The following NEB variants were observed in gnomAD, a reference collection of about 807,000 sequenced individuals.
The protein encoded by NEB is nebulin.
A neutral mutation model predicts 952.2 loss-of-function variants in NEB; 512 were observed. That is an observed-to-expected ratio of 0.54 (90% confidence interval 0.50 to 0.58). The LOEUF (loss-of-function observed/expected upper bound fraction) is 0.58, where lower values mean the gene tolerates loss of function less well. Ranked by LOEUF, NEB falls within the 20% of genes least tolerant of loss-of-function variation. The pLI is 0.00. For missense variants in NEB, 8,428 were observed against 9,231.1 expected (o/e 0.91, Z 3.56); for synonymous variants, 2,900 against 3,149.8 (o/e 0.92, Z 2.66).
intron 70 of NEB, 123 bp downstream of exon 70, chr2:151,626,879 A>G: frequency 2.5e-6 from 3 of 1,211,906 alleles, no homozygotes; most frequent in East Asian, 2.4e-5. Context: ...AGAGAATTCA[A>G]CTGAATCACT....
chr2:151,516,496 T>G lies in NEB; in HGVS notation c.22868A>C (p.Tyr7623Ser), dbSNP rs370518330. Residue 7623 changes from tyrosine (Y) to serine (S), a missense_variant, in exon 157 of 182, where the codon TAC becomes TCC. By Grantham distance (144) the Tyr-to-Ser change is moderately radical. Around this residue, in one of 11 missense-constraint regions of NEB, gnomAD observed 3,374 missense variants for 3,651.5 expected, o/e 0.92. Coordinates refer to ENST00000397345, the MANE Select transcript of NEB (RefSeq NM_001164508.2). ...CTGCTGAGACTCTTTGGCAGTGATGTACGTTGGTGTTTCAAAGTCCAGCAT... is the reference window on the plus strand; with the variant it reads ...CTGCTGAGACTCTTTGGCAGTGATGGACGTTGGTGTTTCAAAGTCCAGCAT... ...KPMLDFETPT[Y>S]ITAKESQQMQ... The G allele has an allele frequency of 1.2e-5, 20 of 1,613,422 alleles. No individual in the cohort carries two copies. The highest frequency in any genetic ancestry group is 5.3e-5 in the African/African-American group (4 of 74,930).
chr2:151,636,368 A>C, intron 63 of NEB, 34 bp from the exon 64 acceptor site: 1 of 1,506,524 alleles, frequency 6.6e-7, no homozygotes, highest in Non-Finnish European at 9.0e-7. Flanking sequence ...AGATGCTGAC[A>C]TTTATATCTA....
chr2:151,567,030 T>G (rs2096434338), intron 114 of NEB, 138 bp downstream of exon 114: 2 of 734,976 alleles, frequency 2.7e-6, no homozygotes, highest in African/African-American at 3.5e-5. Flanking sequence ...TTTCTTCATA[T>G]CCAGCCTCAA....
chr2:151,663,234 A>T (rs974554348), intron 45 of NEB, among the ~76,000 whole-genome samples: 1 of 152,168 alleles, frequency 6.6e-6, no homozygotes, highest in African/African-American at 2.4e-5. Flanking sequence ...TTAAAAGCCT[A>T]TTATGCTTTT....
intron 23 of NEB, 100 bp from the exon 24 acceptor site, chr2:151,690,925 T>A: frequency 2.3e-6 from 2 of 863,392 alleles, no homozygotes; most frequent in Admixed American, 4.1e-5. Context: ...GTTTATTTTG[T>A]TCCTGAAAAC....
chr2:151,665,361 T>C lies in NEB; in HGVS notation c.5210A>G (p.Asn1737Ser), dbSNP rs1298161436. 1.2e-6 allele frequency: 2 copies of C among 1,613,752 alleles called. No homozygotes were observed. The highest frequency in any genetic ancestry group is 8.5e-7 in the Non-Finnish European group (1 of 1,179,780). ...GTCCATGTTCAGTTTGTTACTCTTG[T>C]TAAGTGCCTGTTCCATTGTGTCCAT... ...YAMDTMEQAL[N>S]KSNKLNMDKR... is the part of the protein sequence containing the mutation. Residue 1737 changes from asparagine to serine, a missense_variant, in exon 42 of 182, where the codon AAC becomes AGC. Coordinates refer to ENST00000397345, the MANE Select transcript of NEB (RefSeq NM_001164508.2).
At position 151,550,371 on chromosome 2, in the gene NEB, T is replaced by G. The variant is rs1294323619; in HGVS notation, c.19945-631A>C. On this transcript the variant is annotated intron_variant, in intron 129 of 181. Coordinates refer to ENST00000397345, the MANE Select transcript of NEB (RefSeq NM_001164508.2). ...AAGAATTTGGGAAATGCAGAGAAGA[T>G]AGGTAACCAAGTTTCACCTCTGCCA... 2.6e-5 allele frequency among the ~76,000 whole-genome samples: 4 copies of G among 151,148 alleles called. No homozygotes were observed. In the South Asian group the frequency reaches 8.4e-4, roughly 32 times the overall value.
At chr2:151,578,739 G>T (rs934256583) in intron 105 of NEB, among the ~76,000 whole-genome samples, 1 of 148,892 alleles carries the variant, frequency 6.7e-6, no homozygotes, top group African/African-American at 2.5e-5. Flanking sequence ...AGGAAGGAAG[G>T]AAGGAGAGAA....
At position 151,547,417 on chromosome 2, in the gene NEB, C is replaced by A. The variant is rs762763374; in HGVS notation, c.20367+12G>T. ...TAAGACTACTCCAGAAAGACCCCTACGAGATGCTTACATCACTGGTGATGT... is the reference window on the plus strand; with the variant it reads ...TAAGACTACTCCAGAAAGACCCCTAAGAGATGCTTACATCACTGGTGATGT... On this transcript the variant is annotated intron_variant, in intron 133 of 181. Coordinates refer to ENST00000397345, the MANE Select transcript of NEB (RefSeq NM_001164508.2). 6.4e-7 allele frequency: 1 copy of A among 1,572,366 alleles called. No individual in the cohort carries two copies. Among genetic ancestry groups the A allele is most frequent in the South Asian group, 1.2e-5 (1 of 85,966 alleles).
At chr2:151,518,847 C>T (rs901005368) in intron 155 of NEB, 118 bp downstream of exon 155, 4 of 666,922 alleles carry the variant, frequency 6.0e-6, no homozygotes, top group Non-Finnish European at 1.1e-5. Context: ...CAAATGAGAA[C>T]AGTTTTGTAA....
At position 151,663,808 on chromosome 2, in the gene NEB, G is replaced by T. The variant is rs199694315; in HGVS notation, c.5503C>A (p.Arg1835=). The change falls in exon 45 of 182, where the codon CGG becomes AGG. Residue 1835 remains arginine (R), a synonymous_variant. Transcript: ENST00000397345. ...EQAKGKHIGF[R]SLEDDPKLVH... Reference sequence around the variant, plus strand: ...AGCTTGGGGTCATCTTCCAGGCTCCGGAAGCCAATGTGTTTCCCTTTGGCT... The same window carrying T: ...AGCTTGGGGTCATCTTCCAGGCTCCTGAAGCCAATGTGTTTCCCTTTGGCT... 1 of 1,613,786 alleles carries T rather than the reference G, an allele frequency of 6.2e-7. No homozygotes were observed. The highest frequency in any genetic ancestry group is 8.5e-7 in the Non-Finnish European group (1 of 1,179,750).
chr2:151,554,137 G>A (rs2095493467), intron 125 of NEB, 112 bp from the exon 126 acceptor site: 1 of 931,256 alleles, frequency 1.1e-6, no homozygotes, highest in Non-Finnish European at 1.7e-6. Flanking sequence ...GGGCAGGGCA[G>A]TGACTGGTAT....
Position 151,675,410 on chromosome 2 carries a change from C to A in NEB, c.3775-19G>T. 6.8e-7 allele frequency: 1 copy of A among 1,470,668 alleles called. No homozygotes were observed. The highest frequency in any genetic ancestry group is 1.2e-5 in the South Asian group (1 of 81,330). 91.1% of individuals were successfully genotyped at this position (1,470,668 alleles called of 1,614,324 possible). ...ATAAGATCTGCAATAAAATGCATTT[C>A]ACATAGTGCAAAAAGGAAAATCTAT... On this transcript the variant is annotated intron_variant, in intron 34 of 181. Transcript: ENST00000397345.
Position 151,513,641 on chromosome 2 carries a change from G to A in NEB, c.23180C>T (p.Ala7727Val), listed in dbSNP as rs760947433. 1 of 1,610,062 alleles carries A rather than the reference G, an allele frequency of 6.2e-7. No homozygotes were observed. Among genetic ancestry groups the A allele is most frequent in the Non-Finnish European group, 8.5e-7 (1 of 1,178,198 alleles). Residue 7727 changes from alanine to valine, a missense_variant, in exon 160 of 182, where the codon GCC (alanine) becomes GTC (valine). Transcript: ENST00000397345. ...ELEVKGRGLN[A>V]MANETPDFMR... is the part of the protein sequence containing the mutation. ...AAAATCCGGAGTTTCATTGGCCATG[G>A]CATTCAGGCCTCTTCCTTTGACTTC...
chr2:151,500,992 T>G (rs1172084716), intron 168 of NEB, among the ~76,000 whole-genome samples: 2 of 152,218 alleles, frequency 1.3e-5, no homozygotes, highest in East Asian at 3.8e-4. Context: ...ATGATCCCTG[T>G]TCCTAAGGAA....
chr2:151,682,594 C>T, intron 29 of NEB, 68 bp downstream of exon 29: 1 of 1,264,648 alleles, frequency 7.9e-7, no homozygotes, highest in East Asian at 2.5e-5. Context: ...AGGAGCACTG[C>T]CCATGCTTTT....
At chr2:151,626,069 T>C (rs1248380617) in intron 70 of NEB, among the ~76,000 whole-genome samples, 3 of 152,096 alleles carry the variant, frequency 2.0e-5, no homozygotes, top group African/African-American at 4.8e-5. Flanking sequence ...GTATGTGCTA[T>C]CTCTAGATTT....
At chr2:151,733,002 A>G (rs780762264) in intron 3 of NEB, 119 bp downstream of exon 3, 146 of 823,066 alleles carry the variant, frequency 1.8e-4, no homozygotes, top group Non-Finnish European at 2.5e-4. Context: ...GCTTTAAATG[A>G]TGACTCTTTG....
intron 37 of NEB, 58 bp downstream of exon 37, chr2:151,672,311 G>A (rs2099311118): frequency 5.5e-6 from 8 of 1,442,686 alleles, no homozygotes; most frequent in Middle Eastern, 3.7e-4. Flanking sequence ...TAATAAAAGC[G>A]AGAAGTGATC....
Sources: gnomAD v4.1 joint callset for allele counts (sites outside exome capture counted in the v4.1 genomes callset) on GRCh38, gnomAD v4.1.1 for gene constraint, gnomAD v4.1.1 regional missense constraint, MANE v1.5 for transcripts, NCBI Gene and HGNC (gene_info 2026-07-23, HGNC 2026-07-21) for gene names.